Variants in FAM13A observed in about 807,000 individuals in gnomAD.
The protein encoded by FAM13A is protein FAM13A.
A neutral mutation model predicts 129.6 loss-of-function variants in FAM13A; 76 were observed. That is an observed-to-expected ratio of 0.59 (90% CI 0.49 to 0.71). FAM13A has a LOEUF of 0.71. Ranked by LOEUF, FAM13A falls within the 30% of genes least tolerant of loss-of-function variation. The probability of loss-of-function intolerance (pLI) is 0.00; values close to 1 mark genes in which losing one functional copy is unlikely to be tolerated. For synonymous variants in FAM13A, 443 were observed against 449.9 expected (o/e 0.98, Z 0.20); for missense variants, 1,108 against 1,249.3 (o/e 0.89, Z 1.70).
chr4:88,814,740 C>CT (rs1435632703), intron 7 of FAM13A, among the ~76,000 whole-genome samples: 4 of 152,004 alleles, frequency 2.6e-5, no homozygotes, highest in African/African-American at 9.7e-5. Context: ...TTTCTAAACG[C>CT]TTAATTTTTT....
chr4:88,836,027 T>C (rs1016321951), intron 7 of FAM13A, among the ~76,000 whole-genome samples: 1 of 152,180 alleles, frequency 6.6e-6, no homozygotes, highest in African/African-American at 2.4e-5. Context: ...TTATAAATTA[T>C]ACAGTATATG....
intron 6 of FAM13A, among the ~76,000 whole-genome samples, chr4:88,866,754 C>T (rs1740533494): frequency 6.6e-6 from 1 of 152,052 alleles, no homozygotes; most frequent in Non-Finnish European, 1.5e-5. Flanking sequence ...GTTGGAACCT[C>T]TATACTTTAT....
intron 4 of FAM13A, among the ~76,000 whole-genome samples, chr4:88,971,633 A>C (rs1760093620): frequency 6.6e-6 from 1 of 152,084 alleles, no homozygotes; most frequent in African/African-American, 2.4e-5. Flanking sequence ...TAGCCTCCCA[A>C]GTAGCTGGGA....
chr4:88,827,103 CAA>C (rs1292215692), intron 7 of FAM13A, among the ~76,000 whole-genome samples: 1 of 152,168 alleles, frequency 6.6e-6, no homozygotes, highest in Non-Finnish European at 1.5e-5. Flanking sequence ...ACCACTTTTC[CAA>C]AACTGCTTTT....
intron 7 of FAM13A, among the ~76,000 whole-genome samples, chr4:88,822,598 C>G (rs886582109): frequency 6.6e-6 from 1 of 152,158 alleles, no homozygotes; most frequent in East Asian, 1.9e-4. Flanking sequence ...GGTCTTCAGC[C>G]TATCAACATC....
intron 7 of FAM13A, among the ~76,000 whole-genome samples, chr4:88,825,928 T>C (rs556461059): frequency 6.6e-6 from 1 of 152,324 alleles, no homozygotes; most frequent in Non-Finnish European, 1.5e-5. Flanking sequence ...TTTGATCTAT[T>C]TTGGGGGCAT....
chr4:88,950,394 TTTAA>T (rs995534733), intron 4 of FAM13A, among the ~76,000 whole-genome samples: 25 of 152,186 alleles, frequency 1.6e-4, no homozygotes, highest in Non-Finnish European at 2.8e-4. Context: ...AATTGATATA[TTTAA>T]TTGATATTTA....
chr4:88,940,690 G>C (rs1754605059), intron 4 of FAM13A, among the ~76,000 whole-genome samples: 1 of 152,192 alleles, frequency 6.6e-6, no homozygotes, highest in Non-Finnish European at 1.5e-5. Flanking sequence ...GTTTTATGCA[G>C]TCAGGCAAAG....
At chr4:88,732,451 C>T (rs1243746600) in intron 21 of FAM13A, 2 of 329,910 alleles carry the variant, frequency 6.1e-6, no homozygotes, top group Non-Finnish European at 1.1e-5. Flanking sequence ...AATGAGTGTA[C>T]ATCATGTTAA....
intron 6 of FAM13A, chr4:88,905,553 T>C (rs889494991): frequency 4.6e-5 from 7 of 152,164 alleles, no homozygotes; most frequent in African/African-American, 1.7e-4. Flanking sequence ...CTCTTCCTCC[T>C]CCCACCCTCC....
chr4:88,782,970 G>GT (rs932258042), intron 10 of FAM13A, among the ~76,000 whole-genome samples: 7 of 151,674 alleles, frequency 4.6e-5, no homozygotes, highest in African/African-American at 1.7e-4. Flanking sequence ...TTTTCTGTTT[G>GT]TTTTTTATTT....
intron 6 of FAM13A, among the ~76,000 whole-genome samples, chr4:88,895,110 T>C (rs1490159232): frequency 2.0e-5 from 3 of 150,728 alleles, no homozygotes; most frequent in Admixed American, 6.6e-5. Context: ...TAATATACAT[T>C]AGTTAGTACA....
chr4:88,799,291 C>T lies in FAM13A; in HGVS notation c.1049+5720G>A, dbSNP rs116839010. Among the ~76,000 whole-genome samples the T allele has an allele frequency of 5.6e-3, 854 of 152,172 alleles. 8 individuals carry two copies. The highest frequency in any genetic ancestry group is 0.019 in the African/African-American group (807 of 41,522). Reference sequence around the variant, plus strand: ...AGACACAACCATCTTTAAAGAAATCCACATACTTCACAACTAAAGGATGGC... The same window carrying T: ...AGACACAACCATCTTTAAAGAAATCTACATACTTCACAACTAAAGGATGGC... On this transcript the variant is annotated intron_variant, in intron 8 of 23. Coordinates refer to ENST00000264344, the MANE Select transcript of FAM13A (RefSeq NM_014883.4).
At chr4:88,810,466 C>G (rs1729461917) in intron 7 of FAM13A, among the ~76,000 whole-genome samples, 3 of 152,028 alleles carry the variant, frequency 2.0e-5, no homozygotes, top group South Asian at 2.1e-4. Flanking sequence ...AATTTGGACA[C>G]AGAGACAGAT....
At chr4:88,958,862 G>A (rs1758174976) in intron 4 of FAM13A, among the ~76,000 whole-genome samples, 1 of 152,172 alleles carries the variant, frequency 6.6e-6, no homozygotes, top group African/African-American at 2.4e-5. Context: ...TTAGCCATGG[G>A]GGCTGTACCC....
At chr4:88,833,209 A>G (rs1028673143) in intron 7 of FAM13A, among the ~76,000 whole-genome samples, 1 of 152,200 alleles carries the variant, frequency 6.6e-6, no homozygotes, top group Non-Finnish European at 1.5e-5. Flanking sequence ...GAGCAGAACA[A>G]CATACACTGG....
intron 5 of FAM13A, among the ~76,000 whole-genome samples, chr4:88,917,076 T>G (rs1750240976): frequency 6.6e-6 from 1 of 152,222 alleles, no homozygotes; most frequent in Admixed American, 6.5e-5. Flanking sequence ...TACACATGGA[T>G]GCCAAATTAA....
At chr4:88,913,818 T>C (rs1579251114) in intron 5 of FAM13A, among the ~76,000 whole-genome samples, 1 of 152,146 alleles carries the variant, frequency 6.6e-6, no homozygotes, top group African/African-American at 2.4e-5. Flanking sequence ...TGTGTCTCTG[T>C]CTCTGATGTT....
chr4:88,879,761 G>T (rs1743215064), intron 6 of FAM13A, among the ~76,000 whole-genome samples: 1 of 152,182 alleles, frequency 6.6e-6, no homozygotes, highest in African/African-American at 2.4e-5. Context: ...TTACATTTGC[G>T]AGGGGCTGCT....
Sources: allele counts gnomAD v4.1 joint callset (sites outside exome capture counted in the v4.1 genomes callset), GRCh38; gene constraint gnomAD v4.1.1; transcripts MANE v1.5; gene names NCBI Gene and HGNC (gene_info 2026-07-23, HGNC 2026-07-21).